PTPRN2: variants seen among roughly 807,000 people sequenced by gnomAD.
PTPRN2 encodes receptor-type tyrosine-protein phosphatase N2.
In PTPRN2, 74 loss-of-function variants were observed where a neutral mutation model predicts 118.8. The ratio of observed to expected loss-of-function variants is 0.62; its 90% CI spans 0.52 to 0.76. The LOEUF is 0.76. Among genes scored for constraint, PTPRN2 ranks in the 30% least tolerant of loss-of-function variants. The probability of loss-of-function intolerance (pLI) is 0.00; values close to 1 mark genes in which losing one functional copy is unlikely to be tolerated. For missense variants in PTPRN2, 1,481 were observed against 1,394.4 expected, an observed-to-expected ratio of 1.06 and a Z score of -0.99; for synonymous variants, 641 against 608.0, an observed-to-expected ratio of 1.05 and a Z score of -0.80.
chr7:157,816,672 C>G (rs971270444), intron 12 of PTPRN2, among the ~76,000 whole-genome samples: 2 of 152,236 alleles, frequency 1.3e-5, no homozygotes, highest in African/African-American at 4.8e-5. Flanking sequence ...GACAGGAGCT[C>G]TGCTCTCAGA....
intron 6 of PTPRN2, among the ~76,000 whole-genome samples, chr7:158,149,878 T>C (rs1370537622): frequency 6.6e-6 from 1 of 151,682 alleles, no homozygotes; most frequent in Non-Finnish European, 1.5e-5. Context: ...TTTTGGGATC[T>C]AAGTTATGCT....
In PTPRN2 at chr7:158,400,611, C is replaced by T. The variant is rs1049905494; in HGVS notation, c.164-83679G>A. On this transcript the variant is annotated intron_variant, in intron 2 of 22. Transcript: ENST00000389418. ...GCTTTGTCATCTCAGCTACGATTCT[C>T]CTTGGGGTGAAAGTGAGGGGCGCTG... Among the ~76,000 whole-genome samples, 3 of 152,138 alleles carry T rather than the reference C, an allele frequency of 2.0e-5. No homozygotes were observed. In the East Asian group the frequency reaches 5.8e-4, roughly 29 times the overall value.
chr7:157,570,633 T>C (rs1354678808), intron 20 of PTPRN2, among the ~76,000 whole-genome samples: 1 of 152,182 alleles, frequency 6.6e-6, no homozygotes, highest in Non-Finnish European at 1.5e-5. Context: ...ACTGGTGTGG[T>C]TTTAACGTAC....
chr7:157,875,047 A>C (rs1280623720), intron 12 of PTPRN2, among the ~76,000 whole-genome samples: 3 of 152,068 alleles, frequency 2.0e-5, no homozygotes, highest in Non-Finnish European at 4.4e-5. Context: ...ACACACGCGC[A>C]CACACAGACA....
At chr7:158,333,747 CCAT>C (rs1157726644) in intron 2 of PTPRN2, among the ~76,000 whole-genome samples, 2 of 150,714 alleles carry the variant, frequency 1.3e-5, no homozygotes, top group African/African-American at 4.9e-5. Flanking sequence ...CATACTCTCA[CCAT>C]AAGAGCTGAC....
chr7:158,452,090 A>G (rs1818127977), intron 2 of PTPRN2, among the ~76,000 whole-genome samples: 1 of 152,066 alleles, frequency 6.6e-6, no homozygotes, highest in South Asian at 2.1e-4. Context: ...ATTTGGGTCT[A>G]TTTCTAGACT....
In PTPRN2 at chr7:158,469,845, G is replaced by A. The variant is rs73526844; in HGVS notation, c.163+19890C>T. 9.1e-4 allele frequency among the ~76,000 whole-genome samples: 135 copies of A among 148,668 alleles called. 3 individuals are homozygous for A. The highest frequency in any genetic ancestry group is 4.5e-3 in the South Asian group (21 of 4,640). On this transcript the variant is annotated intron_variant, in intron 2 of 22. Transcript: ENST00000389418. ...TCCTATTGCATCACAATGGGCTGTC[G>A]CCATAACAGGAGCTGGGATTTGTCC...
intron 3 of PTPRN2, among the ~76,000 whole-genome samples, chr7:158,272,948 C>A (rs933688827): frequency 6.6e-6 from 1 of 152,174 alleles, no homozygotes; most frequent in Non-Finnish European, 1.5e-5. Context: ...GACAGTCCCA[C>A]GGTTTGGGAC....
intron 12 of PTPRN2, among the ~76,000 whole-genome samples, chr7:157,765,903 CCCAT>C (rs1419367575): frequency 2.1e-4 from 30 of 146,076 alleles, no homozygotes; most frequent in Non-Finnish European, 3.2e-4. Flanking sequence ...CATCCACCCA[CCCAT>C]CCATCCATCA....
chr7:157,658,671 C>T (rs1208244127), intron 13 of PTPRN2, among the ~76,000 whole-genome samples: 1 of 152,204 alleles, frequency 6.6e-6, no homozygotes, highest in African/African-American at 2.4e-5. Context: ...CCAACAATCT[C>T]GTTTTGAAAG....
chr7:157,694,350 C>T (rs1423103893), intron 12 of PTPRN2, among the ~76,000 whole-genome samples: 1 of 152,166 alleles, frequency 6.6e-6, no homozygotes, highest in South Asian at 2.1e-4. Context: ...GGTGCACCTG[C>T]GGCAATATAT....
chr7:157,597,589 G>T (rs1365113319), intron 16 of PTPRN2, among the ~76,000 whole-genome samples: 1 of 152,152 alleles, frequency 6.6e-6, no homozygotes, highest in Non-Finnish European at 1.5e-5. Flanking sequence ...ATAGGTGATT[G>T]AAAGTAAAAT....
In PTPRN2 at chr7:158,261,457, G is replaced by C. The variant is rs1341958213; in HGVS notation, c.277+55362C>G. On this transcript the variant is annotated intron_variant, in intron 3 of 22. Transcript: ENST00000389418. ...GCCTCAGGGGCTCACAGGCAGCGATGGGCCAAGGAAGGGCTTCAGGGCCCA... is the reference window on the plus strand; with the variant it reads ...GCCTCAGGGGCTCACAGGCAGCGATCGGCCAAGGAAGGGCTTCAGGGCCCA... Among the ~76,000 whole-genome samples, 5 of 152,166 alleles carry C rather than the reference G, an allele frequency of 3.3e-5. No individual in the cohort carries two copies. The East Asian group carries it at 9.6e-4, about 29-fold the overall frequency.
intron 2 of PTPRN2, among the ~76,000 whole-genome samples, chr7:158,400,142 AGAGGTTTTAAT>A: frequency 6.6e-6 from 1 of 152,202 alleles, no homozygotes; most frequent in African/African-American, 2.4e-5. Flanking sequence ...GACAGTCTTT[AGAGGTTTTAAT>A]GAGGATGCCT....
chr7:158,202,266 T>C (rs1585833562), intron 4 of PTPRN2, among the ~76,000 whole-genome samples: 2 of 152,154 alleles, frequency 1.3e-5, no homozygotes, highest in South Asian at 4.1e-4. Flanking sequence ...CATGAGGAAA[T>C]ACTGTGGGCA....
intron 2 of PTPRN2, among the ~76,000 whole-genome samples, chr7:158,369,534 C>T (rs1809801111): frequency 6.6e-6 from 1 of 152,142 alleles, no homozygotes; most frequent in Non-Finnish European, 1.5e-5. Context: ...GAGGAAACGC[C>T]TCCCACTGTC....
intron 2 of PTPRN2, among the ~76,000 whole-genome samples, chr7:158,431,799 CGGGCACACACT>C (rs1263530184): frequency 6.0e-5 from 9 of 150,860 alleles, no homozygotes; most frequent in Non-Finnish European, 8.9e-5. Flanking sequence ...TGGCTCACAC[CGGGCACACACT>C]GGGCACACAC....
rs553713802 is a variant in PTPRN2, at chr7:158,526,235, G to A, written c.113-36450C>T. On this transcript the variant is annotated intron_variant, in intron 1 of 22. Transcript: ENST00000389418. This position sits in a 1 kb window ranked among gnomAD's most constrained non-coding sequence, Gnocchi z 5.2. ...GCAGGATTCACTTGTGTGGCGAAGG[G>A]GTCACCCCTCGTGCAGGCTCAGGCC... Among the ~76,000 whole-genome samples the A allele has an allele frequency of 3.5e-4, 54 of 152,304 alleles. No homozygotes were observed. The highest frequency in any genetic ancestry group is 1.5e-5 in the Non-Finnish European group (1 of 68,034).
chr7:157,770,644 T>C (rs1802744951), intron 12 of PTPRN2, among the ~76,000 whole-genome samples: 1 of 152,220 alleles, frequency 6.6e-6, no homozygotes, highest in African/African-American at 2.4e-5. Context: ...AGAGCAGATC[T>C]GAAAAAAGCA....
Sources: allele counts gnomAD v4.1 joint callset (sites outside exome capture counted in the v4.1 genomes callset), GRCh38; gene constraint gnomAD v4.1.1; non-coding constraint Gnocchi (gnomAD v3.1); transcripts MANE v1.5; gene names NCBI Gene and HGNC (gene_info 2026-07-23, HGNC 2026-07-21).